The following LRRC4C variants were observed in gnomAD, a reference collection of about 807,000 sequenced individuals.
LRRC4C encodes the protein leucine-rich repeat-containing protein 4C.
In LRRC4C, 5 loss-of-function variants were observed where a neutral mutation model predicts 33.6. That is an observed-to-expected ratio of 0.15 (90% CI 0.08 to 0.31). The LOEUF is 0.31. Ranked by LOEUF, LRRC4C falls within the 10% of genes least tolerant of loss-of-function variation. LRRC4C has a pLI of 1.00. For missense variants in LRRC4C, 560 were observed against 796.7 expected, an observed-to-expected ratio of 0.70 and a Z score of 3.58; for synonymous variants, 329 against 302.0, an observed-to-expected ratio of 1.09 and a Z score of -0.93.
intron 1 of LRRC4C, among the ~76,000 whole-genome samples, chr11:41,397,968 G>A (rs1953882140): frequency 6.6e-6 from 1 of 151,858 alleles, no homozygotes. Flanking sequence ...CCTGATCTCA[G>A]CCCTGTCCAC....
intron 1 of LRRC4C, among the ~76,000 whole-genome samples, chr11:41,372,779 G>T: frequency 1.0e-5 from 1 of 97,058 alleles, no homozygotes; most frequent in Admixed American, 1.3e-4. Flanking sequence ...GTTTGCAAGA[G>T]GGCACCAAAA....
intron 1 of LRRC4C, among the ~76,000 whole-genome samples, chr11:41,083,298 C>T (rs1939714807): frequency 6.6e-6 from 1 of 151,854 alleles, no homozygotes; most frequent in Non-Finnish European, 1.5e-5. Context: ...TAGAGAGTTA[C>T]CATATGCGAG....
intron 3 of LRRC4C, among the ~76,000 whole-genome samples, chr11:40,463,890 G>C (rs1184789377): frequency 2.0e-5 from 3 of 151,910 alleles, no homozygotes; most frequent in Admixed American, 2.0e-4. Flanking sequence ...AATTGTTCTA[G>C]GCACTCCACC....
intron 2 of LRRC4C, among the ~76,000 whole-genome samples, chr11:40,889,013 G>A (rs1050067262): frequency 2.0e-5 from 3 of 151,896 alleles, no homozygotes; most frequent in East Asian, 1.9e-4. Context: ...TTCCTGGAGG[G>A]CAATTTGGAA....
At chr11:41,156,300 G>A (rs1214711482) in intron 1 of LRRC4C, among the ~76,000 whole-genome samples, 1 of 152,062 alleles carries the variant, frequency 6.6e-6, no homozygotes, top group Non-Finnish European at 1.5e-5. Flanking sequence ...CACTGTAACT[G>A]TAATCTATTA....
chr11:40,552,789 CT>C (rs1202313286), intron 3 of LRRC4C, among the ~76,000 whole-genome samples: 1 of 152,088 alleles, frequency 6.6e-6, no homozygotes, highest in African/African-American at 2.4e-5. Context: ...AATATATACC[CT>C]TTTTCATTCT....
chr11:40,449,359 T>A lies in LRRC4C; in HGVS notation c.-269-129638A>T, dbSNP rs1294435349. On this transcript the variant is annotated intron_variant, in intron 3 of 6. Transcript: ENST00000528697. Reference sequence around the variant, plus strand: ...AACAAAAGAAGCAAAAAAAAAAAAATCAACTAAATCAACAAATGAAGACTC... The same window carrying A: ...AACAAAAGAAGCAAAAAAAAAAAAAACAACTAAATCAACAAATGAAGACTC... Among the ~76,000 whole-genome samples, 9 of 136,430 alleles carry A rather than the reference T, an allele frequency of 6.6e-5. No individual in the cohort carries two copies. In the South Asian group the frequency reaches 1.2e-3, roughly 18 times the overall value. The allele number at this position is 136,430 out of a possible 152,430, so 89.5% of individuals were successfully genotyped here.
chr11:40,507,818 C>G (rs1955112005), intron 3 of LRRC4C, among the ~76,000 whole-genome samples: 1 of 150,960 alleles, frequency 6.6e-6, no homozygotes, highest in African/African-American at 2.4e-5. Flanking sequence ...CAGCTCACTG[C>G]AGCCTCCACC....
In LRRC4C at chr11:40,528,936, T is replaced by C. The variant is rs367968745; in HGVS notation, c.-270+119206A>G. Among the ~76,000 whole-genome samples, 48 of 152,166 alleles carry C rather than the reference T, an allele frequency of 3.2e-4. No homozygotes were observed. In the South Asian group the frequency reaches 1.0e-2, roughly 32 times the overall value. On this transcript the variant is annotated intron_variant, in intron 3 of 6. Transcript: ENST00000528697. ...CACTTATATGAGGTTTCTAAAATAG[T>C]CAAACTCATAGAAGCAGAGAACAGA...
intron 2 of LRRC4C, among the ~76,000 whole-genome samples, chr11:40,865,633 A>G (rs1216551243): frequency 2.0e-5 from 3 of 151,746 alleles, no homozygotes; most frequent in African/African-American, 7.2e-5. Flanking sequence ...AAATAACAAA[A>G]GCCATTCCCA....
In LRRC4C at chr11:40,202,671, G is replaced by T. The variant is rs543676211; in HGVS notation, c.-96+38848C>A. Among the ~76,000 whole-genome samples the T allele has an allele frequency of 7.9e-5, 12 of 152,286 alleles. No individual in the cohort carries two copies. The South Asian group carries it at 2.5e-3, about 32-fold the overall frequency. On this transcript the variant is annotated intron_variant, in intron 5 of 6. Coordinates refer to ENST00000528697, the MANE Select transcript of LRRC4C (RefSeq NM_001258419.2). Reference sequence around the variant, plus strand: ...AAATGTCCACAGATCCTGTGTGATGGTCAGTTATCTTTTCCAATTATGGTT... The same window carrying T: ...AAATGTCCACAGATCCTGTGTGATGTTCAGTTATCTTTTCCAATTATGGTT...
intron 3 of LRRC4C, among the ~76,000 whole-genome samples, chr11:40,397,712 C>A (rs189881544): frequency 6.6e-6 from 1 of 152,108 alleles, no homozygotes; most frequent in East Asian, 1.9e-4. Flanking sequence ...TCAAATGACA[C>A]CTGCTAGCAG....
At chr11:40,893,218 C>A (rs746847829) in intron 2 of LRRC4C, among the ~76,000 whole-genome samples, 43 of 151,778 alleles carry the variant, frequency 2.8e-4, no homozygotes, top group Non-Finnish European at 1.2e-4. Context: ...TTACCAGAGG[C>A]CTGGTAAGGC....
At position 40,996,292 on chromosome 11, in the gene LRRC4C, G is replaced by A. The variant is rs75031164; in HGVS notation, c.-495-62569C>T. Among the ~76,000 whole-genome samples, 480 of 152,092 alleles carry A rather than the reference G, an allele frequency of 3.2e-3. 7 individuals carry two copies. The South Asian group carries it at 0.036, about 11-fold the overall frequency. ...ATGGACCCTAATTTTCTCTGCTCTT[G>A]TCCCAGGCATGGTCCTAGCCCAGCA... On this transcript the variant is annotated intron_variant, in intron 1 of 6. Transcript: ENST00000528697.
intron 1 of LRRC4C, among the ~76,000 whole-genome samples, chr11:41,428,947 G>T (rs1230458230): frequency 6.6e-6 from 1 of 152,120 alleles, no homozygotes; most frequent in African/African-American, 2.4e-5. Context: ...TCTACACAGA[G>T]TTCAATGAGT....
chr11:40,346,879 G>A (rs1311436127), intron 3 of LRRC4C, among the ~76,000 whole-genome samples: 2 of 152,178 alleles, frequency 1.3e-5, no homozygotes, highest in Non-Finnish European at 2.9e-5. Context: ...ATAAATAGAT[G>A]TGCTGTCATC....
chr11:40,335,852 C>T (rs183403793), intron 3 of LRRC4C, among the ~76,000 whole-genome samples: 1 of 152,318 alleles, frequency 6.6e-6, no homozygotes, highest in Admixed American at 6.5e-5. Flanking sequence ...CCCAGATAAA[C>T]TGGATTCGAG....
intron 2 of LRRC4C, among the ~76,000 whole-genome samples, chr11:40,797,686 C>T (rs1439689774): frequency 7.9e-5 from 12 of 151,972 alleles, no homozygotes; most frequent in Admixed American, 5.2e-4. Flanking sequence ...TTATTGTATA[C>T]TTTTTTCAAC....
At chr11:41,033,644 G>C (rs1411915108) in intron 1 of LRRC4C, among the ~76,000 whole-genome samples, 2 of 151,988 alleles carry the variant, frequency 1.3e-5, no homozygotes, top group Non-Finnish European at 2.9e-5. Context: ...TTTTGTAAAA[G>C]GCAGTGCCCA....
Sources: gnomAD v4.1 joint callset for allele counts (sites outside exome capture counted in the v4.1 genomes callset) on GRCh38, gnomAD v4.1.1 for gene constraint, MANE v1.5 for transcripts, NCBI Gene and HGNC (gene_info 2026-07-23, HGNC 2026-07-21) for gene names.